SPIDR: variants seen among roughly 807,000 people sequenced by gnomAD.
SPIDR encodes the protein scaffold protein involved in DNA repair, also known as DNA repair-scaffolding protein.
A neutral mutation model predicts 104.6 loss-of-function variants in SPIDR; 93 were observed. The observed-to-expected ratio is 0.89, with a 90% CI of 0.75 to 1.06. The LOEUF (loss-of-function observed/expected upper bound fraction) is 1.06. SPIDR is among the 50% of genes least tolerant of loss of function. SPIDR has a pLI of 0.00. For synonymous variants in SPIDR, 431 were observed against 416.9 expected (o/e 1.03, Z -0.41); for missense variants, 1,154 against 1,111.2 (o/e 1.04, Z -0.55).
At chr8:47,546,350 A>C (rs977401789) in intron 8 of SPIDR, among the ~76,000 whole-genome samples, 1 of 152,112 alleles carries the variant, frequency 6.6e-6, no homozygotes, top group Non-Finnish European at 1.5e-5. Context: ...GTATTTTTTC[A>C]AGGAACTGGT....
intron 5 of SPIDR, among the ~76,000 whole-genome samples, chr8:47,355,271 T>TAAAAAAAAAAAAAAAA (rs34902790): frequency 2.6e-5 from 3 of 116,568 alleles, no homozygotes; most frequent in African/African-American, 9.9e-5. Context: ...AGGTTTTTTG[T>TAAAAAAAAAAAAAAAA]AAAAAAAAAA....
At chr8:47,525,875 T>C (rs986172467) in intron 8 of SPIDR, among the ~76,000 whole-genome samples, 1 of 152,134 alleles carries the variant, frequency 6.6e-6, no homozygotes, top group Non-Finnish European at 1.5e-5. Flanking sequence ...CCAGGTTGTG[T>C]ACATGCTGTC....
chr8:47,517,406 C>T (rs1326696644), intron 8 of SPIDR, among the ~76,000 whole-genome samples: 1 of 152,162 alleles, frequency 6.6e-6, no homozygotes, highest in Non-Finnish European at 1.5e-5. Context: ...TACTCTAATA[C>T]CAACCCTCCC....
chr8:47,453,836 C>A (rs2072391002), intron 8 of SPIDR, among the ~76,000 whole-genome samples: 1 of 152,176 alleles, frequency 6.6e-6, no homozygotes, highest in Admixed American at 6.5e-5. Context: ...ACAGACACTT[C>A]TCAAAGGAAG....
At chr8:47,529,728 A>G (rs974304751) in intron 8 of SPIDR, among the ~76,000 whole-genome samples, 8 of 152,170 alleles carry the variant, frequency 5.3e-5, no homozygotes, top group Non-Finnish European at 1.2e-4. Flanking sequence ...TTTCTTTAAA[A>G]TAATAGCTAA....
At chr8:47,277,319 TGTTA>T (rs1554554755) in intron 1 of SPIDR, among the ~76,000 whole-genome samples, 1 of 2,520 alleles carries the variant, frequency 4.0e-4, no homozygotes, top group Non-Finnish European at 9.2e-4. Flanking sequence ...ATGTTTGTTA[TGTTA>T]TGTTATGTTA....
chr8:47,267,779 C>T (rs2034404895), intron 1 of SPIDR, among the ~76,000 whole-genome samples: 1 of 152,128 alleles, frequency 6.6e-6, no homozygotes, highest in Non-Finnish European at 1.5e-5. Context: ...CAGATATTTT[C>T]TCTCATTCTT....
chr8:47,625,456 T>C (rs191881377), intron 10 of SPIDR, among the ~76,000 whole-genome samples: 2 of 152,334 alleles, frequency 1.3e-5, no homozygotes, highest in African/African-American at 4.8e-5. Context: ...TGTCCCTGTT[T>C]ACAGATGACA....
intron 11 of SPIDR, among the ~76,000 whole-genome samples, chr8:47,697,191 G>A (rs2079453133): frequency 6.6e-6 from 1 of 151,674 alleles, no homozygotes; most frequent in Non-Finnish European, 1.5e-5. Flanking sequence ...TTCCTTTAAA[G>A]AGTGTGGAAG....
chr8:47,505,586 G>A lies in SPIDR; in HGVS notation c.1097+65044G>A, dbSNP rs184055807. On this transcript the variant is annotated intron_variant, in intron 8 of 19. Transcript: ENST00000297423. ...ATTCCCTGACCCCTTGCGCTTCCCGGGTGAGGCAGTGCCTCGCCCTGCTTC... is the reference window on the plus strand; with the variant it reads ...ATTCCCTGACCCCTTGCGCTTCCCGAGTGAGGCAGTGCCTCGCCCTGCTTC... Among the ~76,000 whole-genome samples, 349 of 152,316 alleles carry A rather than the reference G, an allele frequency of 2.3e-3. 1 individual carries two copies. The highest frequency in any genetic ancestry group is 6.3e-3 in the African/African-American group (263 of 41,572).
chr8:47,661,020 T>G (rs756690456), intron 10 of SPIDR: 298 of 968,712 alleles, frequency 3.1e-4, no homozygotes, highest in Non-Finnish European at 3.4e-4. Flanking sequence ...AAACTCCTAG[T>G]GTCCGTGTCC....
chr8:47,366,268 G>A (rs557735375), intron 5 of SPIDR, among the ~76,000 whole-genome samples: 4 of 152,234 alleles, frequency 2.6e-5, no homozygotes, highest in Admixed American at 6.5e-5. Flanking sequence ...ATTGGATGAC[G>A]GGGTTTGGAG....
chr8:47,388,035 G>C (rs1254691513), intron 5 of SPIDR, among the ~76,000 whole-genome samples: 1 of 152,166 alleles, frequency 6.6e-6, no homozygotes, highest in Admixed American at 6.5e-5. Context: ...GAAGGTCATT[G>C]TACTTTCCTG....
Position 47,713,625 on chromosome 8 carries a change from C to T in SPIDR, c.2325C>T (p.Ser775=). 1 of 1,614,188 alleles carries T rather than the reference C, an allele frequency of 6.2e-7. No individual in the cohort carries two copies. Among genetic ancestry groups the T allele is most frequent in the Non-Finnish European group, 8.5e-7 (1 of 1,180,046 alleles). The change falls in exon 16 of 20, where the codon TCC becomes TCT. Residue 775 remains serine (S), a synonymous_variant. Coordinates refer to ENST00000297423, the MANE Select transcript of SPIDR (RefSeq NM_001080394.4). ...DSLDSATPVN[S]ICSVQGTVVG... ...TGGACTCTGCAACACCTGTCAACTC[C>T]ATCTGCAGTGTTCAAGGTAGGCAGC...
chr8:47,309,817 T>C (rs1038271589), intron 5 of SPIDR, among the ~76,000 whole-genome samples: 19 of 151,766 alleles, frequency 1.3e-4, no homozygotes, highest in African/African-American at 4.6e-4. Context: ...AGTGGGCGGA[T>C]CACGAGGTCA....
In SPIDR at chr8:47,511,022, G is replaced by C. The variant is rs559738539; in HGVS notation, c.1097+70480G>C. On this transcript the variant is annotated intron_variant, in intron 8 of 19. Transcript: ENST00000297423. ...AACACAGGAGAGAGGCCAGGCAGCT[G>C]CCTGGGCAGTTAGGTTCACCACTGC... 1.3e-4 allele frequency: 98 copies of C among 772,876 alleles called. No homozygotes were observed. The South Asian group carries it at 1.3e-3, about 10-fold the overall frequency. The allele number at this position is 772,876 out of a possible 1,614,324, so 47.9% of individuals were successfully genotyped here. A position where few individuals can be genotyped will look rare whatever the true frequency, so the allele number is the denominator to read the frequency against.
At chr8:47,428,053 G>T (rs1554686412) in intron 7 of SPIDR, among the ~76,000 whole-genome samples, 1 of 152,242 alleles carries the variant, frequency 6.6e-6, no homozygotes, top group African/African-American at 2.4e-5. Flanking sequence ...CTCCTGAGTA[G>T]TTGGGATTAC....
chr8:47,377,506 G>A (rs1248946088), intron 5 of SPIDR, among the ~76,000 whole-genome samples: 1 of 152,222 alleles, frequency 6.6e-6, no homozygotes, highest in African/African-American at 2.4e-5. Flanking sequence ...GACACACTTA[G>A]TTCCTCTAGC....
At chr8:47,497,473 G>C (rs968402035) in intron 8 of SPIDR, among the ~76,000 whole-genome samples, 3 of 152,080 alleles carry the variant, frequency 2.0e-5, no homozygotes, top group Admixed American at 2.0e-4. Flanking sequence ...TGGTTATTTA[G>C]GGGTGTGTCA....
Sources: allele counts gnomAD v4.1 joint callset (sites outside exome capture counted in the v4.1 genomes callset), GRCh38; gene constraint gnomAD v4.1.1; transcripts MANE v1.5; gene names NCBI Gene and HGNC (gene_info 2026-07-23, HGNC 2026-07-21).